Variants in PRPF39 observed in about 807,000 individuals in gnomAD.
PRPF39 encodes the protein pre-mRNA-processing factor 39.
PRPF39 carries 27 observed loss-of-function variants against 82.1 expected under a neutral mutation model. The ratio of observed to expected loss-of-function variants is 0.33; its 90% CI spans 0.24 to 0.45. The LOEUF is 0.45. PRPF39 is among the 20% of genes least tolerant of loss of function. The probability of loss-of-function intolerance (pLI) is 1.00; values close to 1 mark genes in which losing one functional copy is unlikely to be tolerated. For missense variants in PRPF39, 581 were observed against 796.9 expected (o/e 0.73, Z 3.26); for synonymous variants, 261 against 256.4 (o/e 1.02, Z -0.17).
intron 12 of PRPF39, 25 bp from the exon 13 acceptor site, chr14:45,114,469 G>A: frequency 6.5e-7 from 1 of 1,540,416 alleles, no homozygotes; most frequent in South Asian, 1.3e-5. Context: ...AGTTTTGAAA[G>A]TTTCCATTCT....
intron 1 of PRPF39, among the ~76,000 whole-genome samples, chr14:45,093,930 A>G: frequency 6.6e-6 from 1 of 152,142 alleles, no homozygotes; most frequent in East Asian, 1.9e-4. Flanking sequence ...TTAAACAAAT[A>G]CATGTTTTTT....
intron 4 of PRPF39, among the ~76,000 whole-genome samples, chr14:45,101,520 G>A (rs1335065144): frequency 1.3e-5 from 2 of 151,440 alleles, no homozygotes; most frequent in Admixed American, 6.6e-5. Flanking sequence ...GTGCAGTGTT[G>A]AGTGGTGCAA....
At chr14:45,090,202 G>C (rs766005228) in intron 1 of PRPF39, among the ~76,000 whole-genome samples, 1 of 152,150 alleles carries the variant, frequency 6.6e-6, no homozygotes, top group Non-Finnish European at 1.5e-5. Flanking sequence ...TTCTTTAAAG[G>C]AAGAGGGAAA....
At position 45,109,724 on chromosome 14, in the gene PRPF39, G is replaced by A; in HGVS notation, c.1120G>A (p.Val374Ile). 2 of 1,608,574 alleles carry A rather than the reference G, an allele frequency of 1.2e-6. No individual in the cohort carries two copies. The highest frequency in any genetic ancestry group is 1.7e-6 in the Non-Finnish European group (2 of 1,177,090). Residue 374 changes from valine (V) to isoleucine (I), a missense_variant, in exon 8 of 14, where the codon GTT becomes ATT. Val to Ile is a conservative substitution (Grantham distance 29). Transcript: ENST00000355765. ...AAATGGGACTCATGAACGAGTTGTG[G>A]TTCTCTTTGAAAGATGTGTCATATC... ...IENGTHERVV[V>I]LFERCVISCA...
At chr14:45,090,789 T>G (rs1388183724) in intron 1 of PRPF39, among the ~76,000 whole-genome samples, 1 of 152,246 alleles carries the variant, frequency 6.6e-6, no homozygotes, top group East Asian at 1.9e-4. Context: ...TAATAGACAT[T>G]AGTGAGTAAG....
At chr14:45,108,672 T>A in intron 7 of PRPF39, 150 bp downstream of exon 7, 1 of 1,162,018 alleles carries the variant, frequency 8.6e-7, no homozygotes, top group Non-Finnish European at 1.1e-6. Context: ...ATTGTAATCA[T>A]TATCAGTTTT....
intron 1 of PRPF39, among the ~76,000 whole-genome samples, chr14:45,094,609 ACT>A (rs1884141461): frequency 6.6e-6 from 1 of 152,210 alleles, no homozygotes; most frequent in South Asian, 2.1e-4. Context: ...TTTAAAAATT[ACT>A]GTTTAATTTT....
Position 45,095,342 on chromosome 14 carries a change from A to T in PRPF39, c.103A>T (p.Ile35Phe). The T allele has an allele frequency of 6.2e-7, 1 of 1,613,558 alleles. No homozygotes were observed. The highest frequency in any genetic ancestry group is 1.7e-5 in the Admixed American group (1 of 60,024). The change falls in exon 2 of 14, where the codon ATT becomes TTT. Residue 35 changes from isoleucine (I) to phenylalanine (F), a missense_variant. Coordinates refer to ENST00000355765, the MANE Select transcript of PRPF39 (RefSeq NM_017922.4). ...ACATCCTACTGATTTCAGTACTGAG[A>T]TTATGAACGTTACAGAAATGGAACA... Reference protein sequence around the residue: ...VEHPTDFSTEIMNVTEMEQSP... With the variant: ...VEHPTDFSTEFMNVTEMEQSP...
chr14:45,113,420 G>T (rs578031155), intron 11 of PRPF39, among the ~76,000 whole-genome samples: 1 of 152,346 alleles, frequency 6.6e-6, no homozygotes, highest in Non-Finnish European at 1.5e-5. Context: ...ATTAAACAGA[G>T]ATTAGGCATT....
At chr14:45,090,316 A>T (rs1566689897) in intron 1 of PRPF39, among the ~76,000 whole-genome samples, 1 of 152,218 alleles carries the variant, frequency 6.6e-6, no homozygotes, top group Non-Finnish European at 1.5e-5. Flanking sequence ...CTAGAAGGGA[A>T]CTTATTTTTT....
At chr14:45,101,521 A>C (rs1215376424) in intron 4 of PRPF39, among the ~76,000 whole-genome samples, 2 of 150,408 alleles carry the variant, frequency 1.3e-5, no homozygotes, top group Admixed American at 6.6e-5. Flanking sequence ...TGCAGTGTTG[A>C]GTGGTGCAAT....
Position 45,107,528 on chromosome 14 carries a change from T to C in PRPF39, c.815T>C (p.Leu272Ser). The change falls in exon 6 of 14, where the codon TTA becomes TCA. Residue 272 changes from leucine to serine, a missense_variant. Transcript: ENST00000355765. ...CAGTTTATTCAGTTGCGAAGGGAATTAGCTTCTGTAAATGGTCATAGTGGT... is the reference window on the plus strand; with the variant it reads ...CAGTTTATTCAGTTGCGAAGGGAATCAGCTTCTGTAAATGGTCATAGTGGT... ...GEQFIQLRRE[L>S]ASVNGHSGDD... 6.4e-7 allele frequency: 1 copy of C among 1,558,758 alleles called. No homozygotes were observed. The highest frequency in any genetic ancestry group is 8.7e-7 in the Non-Finnish European group (1 of 1,149,440).
chr14:45,098,312 G>A (rs1408139554), intron 4 of PRPF39, among the ~76,000 whole-genome samples: 9 of 151,818 alleles, frequency 5.9e-5, no homozygotes, highest in South Asian at 2.1e-4. Flanking sequence ...GCATGGTGGC[G>A]CATGCCTGTA....
At chr14:45,093,410 G>A (rs1269916751) in intron 1 of PRPF39, among the ~76,000 whole-genome samples, 1 of 151,800 alleles carries the variant, frequency 6.6e-6, no homozygotes. Context: ...TTTTAGTAGA[G>A]ATGGGGTTTC....
In PRPF39 at chr14:45,110,943, A is replaced by T; in HGVS notation, c.1572+126A>T. The T allele has an allele frequency of 1.0e-6, 1 of 959,572 alleles. No individual in the cohort carries two copies. Among genetic ancestry groups the T allele is most frequent in the Non-Finnish European group, 1.5e-6 (1 of 662,628 alleles). The allele number at this position is 959,572 out of a possible 1,614,324, so 59.4% of individuals were successfully genotyped here. A position where few individuals can be genotyped will look rare whatever the true frequency, so the allele number is the denominator to read the frequency against. ...TAGATTTTATTACTAAATGAGGACA[A>T]CAGTCCCTCTAAACTGATGTTGCCA... On this transcript the variant is annotated intron_variant, in intron 10 of 13. Coordinates refer to ENST00000355765, the MANE Select transcript of PRPF39 (RefSeq NM_017922.4). This position sits in a 1 kb window ranked among gnomAD's most constrained non-coding sequence, Gnocchi z 4.0.
intron 1 of PRPF39, among the ~76,000 whole-genome samples, chr14:45,089,819 A>C (rs1883964229): frequency 6.6e-6 from 1 of 152,252 alleles, no homozygotes; most frequent in South Asian, 2.1e-4. Context: ...CATATAAATA[A>C]TATGTTGGAG....
In PRPF39 at chr14:45,109,517, TCATC is replaced by T. The variant is rs1884641305; in HGVS notation, c.1012-98_1012-95del. ...TATGAAATATGATTAAAAATTTTAA[TCATC>T]AATTATATTTAAAATTATTTGTATT... On this transcript the variant is annotated intron_variant, in intron 7 of 13. Coordinates refer to ENST00000355765, the MANE Select transcript of PRPF39 (RefSeq NM_017922.4). 3.2e-6 allele frequency: 3 copies of T among 949,550 alleles called. No individual in the cohort carries two copies. In the Admixed American group the frequency reaches 1.2e-4, roughly 37 times the overall value. The allele number at this position is 949,550 out of a possible 1,614,324, so 58.8% of individuals were successfully genotyped here.
chr14:45,108,418 A>C lies in PRPF39; in HGVS notation c.907A>C (p.Ile303Leu), dbSNP rs1182548591. 2 of 1,573,266 alleles carry C rather than the reference A, an allele frequency of 1.3e-6. No homozygotes were observed. Among genetic ancestry groups the C allele is most frequent in the Non-Finnish European group, 1.7e-6 (2 of 1,167,426 alleles). ...TTTTTCCCTTTTTCTTCCCAAGCTA[A>C]TTACAGAAATAGAAAACATGAGACA... The part of the protein sequence containing the change: ...IEDITDPAKL[I>L]TEIENMRHRI... Residue 303 changes from isoleucine to leucine, a missense_variant, in exon 7 of 14, where the codon ATT becomes CTT. By Grantham distance (5) the Ile-to-Leu change is conservative. Coordinates refer to ENST00000355765, the MANE Select transcript of PRPF39 (RefSeq NM_017922.4).
intron 1 of PRPF39, among the ~76,000 whole-genome samples, chr14:45,087,035 A>T (rs1443892563): frequency 3.3e-5 from 5 of 152,172 alleles, no homozygotes; most frequent in Admixed American, 1.3e-4. Flanking sequence ...ATTTGAAAAC[A>T]TTGATCCAGA....
Sources: allele counts gnomAD v4.1 joint callset (sites outside exome capture counted in the v4.1 genomes callset), GRCh38; gene constraint gnomAD v4.1.1; non-coding constraint Gnocchi (gnomAD v3.1); transcripts MANE v1.5; gene names NCBI Gene and HGNC (gene_info 2026-07-23, HGNC 2026-07-21).